The following SYNDIG1 variants were observed in gnomAD, a reference collection of about 807,000 sequenced individuals.
SYNDIG1 encodes the protein synapse differentiation inducing 1.
SYNDIG1 carries 9 observed loss-of-function variants against 19.4 expected under a neutral mutation model. That is an observed-to-expected ratio of 0.46 (90% CI 0.28 to 0.81). The LOEUF is 0.81. Ranked by LOEUF, SYNDIG1 falls within the 30% of genes least tolerant of loss-of-function variation. The pLI, the probability that SYNDIG1 is intolerant of heterozygous loss-of-function variation, is 0.12. For synonymous variants in SYNDIG1, 141 were observed against 145.9 expected, an observed-to-expected ratio of 0.97 and a Z score of 0.24; for missense variants, 311 against 343.3, an observed-to-expected ratio of 0.91 and a Z score of 0.74.
chr20:24,470,745 G>A (rs2055412059), intron 1 of SYNDIG1, among the ~76,000 whole-genome samples: 13 of 152,216 alleles, frequency 8.5e-5, no homozygotes, highest in Admixed American at 6.5e-4. Flanking sequence ...AAGACGAGAG[G>A]AAGGGGTCTT....
intron 2 of SYNDIG1, among the ~76,000 whole-genome samples, chr20:24,565,090 T>A (rs192192338): frequency 6.6e-6 from 1 of 152,278 alleles, no homozygotes; most frequent in Admixed American, 6.5e-5. Flanking sequence ...CTTCAGTAAG[T>A]TTTCACTGGA....
chr20:24,547,340 G>A (rs529762035), intron 2 of SYNDIG1, among the ~76,000 whole-genome samples: 4 of 152,346 alleles, frequency 2.6e-5, no homozygotes, highest in South Asian at 2.1e-4. Context: ...CATGTGGAGC[G>A]TTCAGTTTGC....
At chr20:24,613,950 G>C (rs1322884272) in intron 3 of SYNDIG1, among the ~76,000 whole-genome samples, 8 of 152,324 alleles carry the variant, frequency 5.3e-5, no homozygotes, top group Admixed American at 5.2e-4. Context: ...GGGTGAGGCA[G>C]ACCATGGAGA....
chr20:24,662,276 C>A lies in SYNDIG1; in HGVS notation c.619-3070C>A, dbSNP rs111345363. Among the ~76,000 whole-genome samples the A allele has an allele frequency of 3.3e-5, 5 of 151,960 alleles. 1 individual carries two copies. Among genetic ancestry groups the A allele is most frequent in the African/African-American group, 9.7e-5 (4 of 41,444 alleles). On this transcript the variant is annotated intron_variant, in intron 3 of 3. Transcript: ENST00000376862. ...GGACAGGAAGGGGGTGCTTCCATAG[C>A]TGTCATTGCTATGGCGCAAGTTTAC...
At chr20:24,498,019 G>C (rs757926929) in intron 1 of SYNDIG1, among the ~76,000 whole-genome samples, 1 of 152,334 alleles carries the variant, frequency 6.6e-6, no homozygotes, top group East Asian at 1.9e-4. Context: ...GCCTGGGCAG[G>C]TTATTTAAAT....
At chr20:24,586,479 G>A (rs1368282255) in intron 3 of SYNDIG1, among the ~76,000 whole-genome samples, 1 of 152,228 alleles carries the variant, frequency 6.6e-6, no homozygotes, top group African/African-American at 2.4e-5. Flanking sequence ...GGGACACACA[G>A]GAGCTGGAGA....
chr20:24,605,888 A>G (rs982488178), intron 3 of SYNDIG1, among the ~76,000 whole-genome samples: 2 of 152,254 alleles, frequency 1.3e-5, no homozygotes, highest in Non-Finnish European at 2.9e-5. Flanking sequence ...CTTTGGACTT[A>G]GGGCTCACCT....
intron 3 of SYNDIG1, among the ~76,000 whole-genome samples, chr20:24,652,887 G>A (rs1030926902): frequency 6.6e-6 from 1 of 152,182 alleles, no homozygotes; most frequent in Non-Finnish European, 1.5e-5. Flanking sequence ...CAGTGGGGCT[G>A]ACACAGCCAC....
At chr20:24,523,656 C>T (rs1011307006) in intron 1 of SYNDIG1, among the ~76,000 whole-genome samples, 4 of 152,102 alleles carry the variant, frequency 2.6e-5, no homozygotes, top group Non-Finnish European at 5.9e-5. Context: ...TGTAAAATGA[C>T]GGGAAATTTT....
intron 1 of SYNDIG1, among the ~76,000 whole-genome samples, chr20:24,516,333 G>T (rs1376687138): frequency 2.0e-5 from 3 of 152,166 alleles, no homozygotes; most frequent in Non-Finnish European, 4.4e-5. Flanking sequence ...TTGACAAATG[G>T]AATCTAATTA....
intron 1 of SYNDIG1, among the ~76,000 whole-genome samples, chr20:24,477,335 G>GC (rs1414643967): frequency 1.3e-5 from 2 of 149,110 alleles, no homozygotes; most frequent in East Asian, 3.9e-4. Context: ...ACACTGTTTT[G>GC]TTTTTTTTTT....
chr20:24,606,920 C>T (rs2058764742), intron 3 of SYNDIG1, among the ~76,000 whole-genome samples: 1 of 152,322 alleles, frequency 6.6e-6, no homozygotes, highest in African/African-American at 2.4e-5. Flanking sequence ...CATTTTGAAG[C>T]TGCCCTGGGC....
intron 1 of SYNDIG1, among the ~76,000 whole-genome samples, chr20:24,522,378 C>T (rs2057023760): frequency 6.6e-6 from 1 of 152,162 alleles, no homozygotes; most frequent in South Asian, 2.1e-4. Flanking sequence ...GGCATGAGCC[C>T]ATGTACCTGG....
At chr20:24,642,133 G>C (rs149510782) in intron 3 of SYNDIG1, among the ~76,000 whole-genome samples, 10 of 152,304 alleles carry the variant, frequency 6.6e-5, no homozygotes, top group African/African-American at 2.2e-4. Context: ...TAGTAGTTGT[G>C]CCTCCTTAAG....
chr20:24,565,870 C>T (rs927401256), intron 2 of SYNDIG1, among the ~76,000 whole-genome samples: 1 of 152,160 alleles, frequency 6.6e-6, no homozygotes, highest in African/African-American at 2.4e-5. Flanking sequence ...AATGTTCTTT[C>T]TCTTGCCCTT....
intron 3 of SYNDIG1, among the ~76,000 whole-genome samples, chr20:24,652,261 G>A (rs986152953): frequency 3.3e-5 from 5 of 152,224 alleles, no homozygotes; most frequent in Admixed American, 1.3e-4. Context: ...CCCCCAGCAA[G>A]TGAGATGCAA....
intron 1 of SYNDIG1, among the ~76,000 whole-genome samples, chr20:24,473,784 T>C (rs2055538921): frequency 1.3e-5 from 2 of 152,212 alleles, no homozygotes; most frequent in Non-Finnish European, 2.9e-5. Flanking sequence ...CAGAGAAACA[T>C]TGAGACAATG....
chr20:24,578,795 C>T (rs186933591), intron 2 of SYNDIG1, among the ~76,000 whole-genome samples: 6 of 152,312 alleles, frequency 3.9e-5, no homozygotes, highest in Non-Finnish European at 8.8e-5. Flanking sequence ...TCAGATCCCA[C>T]GAGACTGCTG....
At chr20:24,626,565 G>C (rs1250479803) in intron 3 of SYNDIG1, among the ~76,000 whole-genome samples, 2 of 151,452 alleles carry the variant, frequency 1.3e-5, no homozygotes. Context: ...GATGGCGGCC[G>C]GGCAGAGACG....
Sources: allele counts gnomAD v4.1 joint callset (sites outside exome capture counted in the v4.1 genomes callset), GRCh38; gene constraint gnomAD v4.1.1; transcripts MANE v1.5; gene names NCBI Gene and HGNC (gene_info 2026-07-23, HGNC 2026-07-21).